Variants in MATR3 observed in about 807,000 individuals in gnomAD.
MATR3 encodes matrin 3.
Under a neutral mutation model 85.5 loss-of-function variants are expected in MATR3, and 4 were observed. That is an observed-to-expected ratio of 0.05 (90% CI 0.02 to 0.11). The LOEUF (loss-of-function observed/expected upper bound fraction) is 0.11. Ranked by LOEUF, MATR3 falls within the 10% of genes least tolerant of loss-of-function variation. The pLI is 1.00. For synonymous variants in MATR3, 336 were observed against 343.1 expected (o/e 0.98, Z 0.23); for missense variants, 685 against 1,016.1 (o/e 0.67, Z 4.43).
At chr5:139,305,311 C>T (rs1479595706) in intron 1 of MATR3, among the ~76,000 whole-genome samples, 2 of 152,092 alleles carry the variant, frequency 1.3e-5, no homozygotes, top group Non-Finnish European at 2.9e-5. Context: ...TAATTCAGAG[C>T]TCTGTAGTCT....
At chr5:139,279,313 C>T in intron 3 of MATR3, 1 of 364,778 alleles carries the variant, frequency 2.7e-6, no homozygotes, top group Non-Finnish European at 5.4e-6. Context: ...ACTGCAACCT[C>T]TGCCTCCTGG....
intron 2 of MATR3, among the ~76,000 whole-genome samples, chr5:139,309,297 C>A (rs1290783447): frequency 2.6e-5 from 4 of 152,072 alleles, no homozygotes; most frequent in Non-Finnish European, 5.9e-5. Context: ...AATCTGTGAC[C>A]GTCCATTTTT....
intron 2 of MATR3, chr5:139,311,422 G>T (rs1048391254): frequency 6.6e-6 from 1 of 152,062 alleles, no homozygotes; most frequent in African/African-American, 2.4e-5. Context: ...AGTCCCCACC[G>T]TAAACCAACC....
At chr5:139,329,282 A>G (rs1227170677) in intron 14 of MATR3, 63 bp from the exon 15 acceptor site, 6 of 1,150,440 alleles carry the variant, frequency 5.2e-6, no homozygotes, top group Non-Finnish European at 7.9e-6. Flanking sequence ...TGATTTTGGA[A>G]TTAATCCATT....
At chr5:139,304,411 A>G (rs1430663374) in intron 1 of MATR3, among the ~76,000 whole-genome samples, 2 of 151,876 alleles carry the variant, frequency 1.3e-5, no homozygotes, top group Admixed American at 6.6e-5. Flanking sequence ...GAGGCAGGAG[A>G]ATCACTTGAA....
upstream of MATR3, among the ~76,000 whole-genome samples, chr5:139,289,372 A>G (rs1753803445): frequency 6.6e-6 from 1 of 152,230 alleles, no homozygotes; most frequent in Non-Finnish European, 1.5e-5. Context: ...GTGAGCCACA[A>G]TCAAGCTACT....
rs925752471 is a variant in MATR3 at position 139,330,937 on chromosome 5, C to T, written c.*1542C>T. 4.4e-6 allele frequency: 2 copies of T among 454,042 alleles called. No individual in the cohort carries two copies. The highest frequency in any genetic ancestry group is 8.8e-6 in the Non-Finnish European group (2 of 226,764). 28.1% of individuals were successfully genotyped at this position (454,042 alleles called of 1,614,324 possible). A position where few individuals can be genotyped will look rare whatever the true frequency, so the allele number is the denominator to read the frequency against. ...TCCTGAGTAGCTGGGACTACAGGCT[C>T]ATGCCACTATACCTGGCTAGTTTTT... On this transcript the variant is annotated 3_prime_UTR_variant, in exon 15 of 15. Coordinates refer to ENST00000394805, the MANE Select transcript of MATR3 (RefSeq NM_018834.6).
intron 14 of MATR3, among the ~76,000 whole-genome samples, chr5:139,327,505 C>T (rs1419261901): frequency 6.6e-6 from 1 of 152,036 alleles, no homozygotes; most frequent in Admixed American, 6.6e-5. Flanking sequence ...CACCCCAACC[C>T]CCGCCTCCCA....
chr5:139,319,306 G>A lies in MATR3; in HGVS notation c.1435-28G>A, dbSNP rs1264811970. The A allele has an allele frequency of 1.9e-6, 3 of 1,601,356 alleles. No homozygotes were observed. In the African/African-American group the frequency reaches 4.0e-5, roughly 21 times the overall value. ...GTTAACTAATAATTATTGCACATTT[G>A]TCCTTTTGTTGTTGTTATTTATTAA... is the stretch of plus-strand genomic sequence containing the variant. On this transcript the variant is annotated intron_variant, in intron 8 of 14. Coordinates refer to ENST00000394805, the MANE Select transcript of MATR3 (RefSeq NM_018834.6).
In MATR3 at chr5:139,330,062, T is replaced by C. The variant is rs1271741129; in HGVS notation, c.*667T>C. ...GTATTTTCAGTGAAATGCAAAAATA[T>C]TCCCGTTATCTTTGACCAGTATTAA... On this transcript the variant is annotated 3_prime_UTR_variant, in exon 15 of 15. Transcript: ENST00000394805. The C allele has an allele frequency of 4.4e-5, 20 of 454,398 alleles. No homozygotes were observed. The highest frequency in any genetic ancestry group is 6.8e-4 in the Middle Eastern group (1 of 1,466). The allele number at this position is 454,398 out of a possible 1,614,324, so 28.1% of individuals were successfully genotyped here. A position where few individuals can be genotyped will look rare whatever the true frequency, so the allele number is the denominator to read the frequency against.
Position 139,315,949 on chromosome 5 carries a change from A to G in MATR3, c.1017-127A>G, listed in dbSNP as rs142959113. 180 of 811,964 alleles carry G rather than the reference A, an allele frequency of 2.2e-4. 1 individual carries two copies. The African/African-American group carries it at 2.8e-3, about 13-fold the overall frequency. 50.3% of individuals were successfully genotyped at this position (811,964 alleles called of 1,614,324 possible). A position where few individuals can be genotyped will look rare whatever the true frequency, so the allele number is the denominator to read the frequency against. The stretch of plus-strand genomic sequence containing the variant: ...TGTTAATGTAGACTTTGACCTAGTT[A>G]CTTCACAGATACTCTGAAAGATTGA... On this transcript the variant is annotated intron_variant, in intron 4 of 14. Transcript: ENST00000394805.
At chr5:139,296,310 T>C (rs1337527496) in intron 1 of MATR3, among the ~76,000 whole-genome samples, 4 of 152,192 alleles carry the variant, frequency 2.6e-5, no homozygotes, top group Non-Finnish European at 5.9e-5. Flanking sequence ...ATGGTAACGG[T>C]ATACAGTTTT....
intron 1 of MATR3, chr5:139,294,688 A>C (rs1324909229): frequency 6.6e-6 from 1 of 152,208 alleles, no homozygotes; most frequent in Non-Finnish European, 1.5e-5. Flanking sequence ...GTATTAGTCC[A>C]GGTTCCTCCA....
chr5:139,277,281 G>A (rs1365277363), intron 2 of MATR3, among the ~76,000 whole-genome samples: 1 of 152,032 alleles, frequency 6.6e-6, no homozygotes, highest in Non-Finnish European at 1.5e-5. Context: ...GGGGTTACAG[G>A]CATGAGCCAC....
At chr5:139,315,503 T>G (rs928612283) in intron 3 of MATR3, 194 bp from the exon 4 acceptor site, 1 of 540,194 alleles carries the variant, frequency 1.9e-6, no homozygotes, top group Admixed American at 3.5e-5. Flanking sequence ...AACAAGTTTA[T>G]TCTCGTGGAT....
rs1017481093 is a variant in MATR3 at position 139,279,233 on chromosome 5, CTT to C, written c.-178+111_-178+112del. On this transcript the variant is annotated intron_variant, in intron 3 of 16. Transcript: ENST00000509990. Reference sequence around the variant, plus strand: ...GTGAAAAATTATGTAGAGTATCAGACTTTTTTTTGGGGGGGGACGGAGTCTTG... The same window carrying C: ...GTGAAAAATTATGTAGAGTATCAGACTTTTTTGGGGGGGGACGGAGTCTTG... 15 of 444,816 alleles carry C rather than the reference CTT, an allele frequency of 3.4e-5. 1 individual carries two copies. The highest frequency in any genetic ancestry group is 2.2e-4 in the South Asian group (14 of 63,634). The allele number at this position is 444,816 out of a possible 1,614,324, so 27.6% of individuals were successfully genotyped here.
intron 9 of MATR3, among the ~76,000 whole-genome samples, chr5:139,319,937 G>T (rs1457598726): frequency 1.3e-3 from 102 of 81,322 alleles, no homozygotes; most frequent in Middle Eastern, 0.019. Flanking sequence ...CTAGTTGTTT[G>T]CTTTTCTTTT....
intron 4 of MATR3, 160 bp from the exon 5 acceptor site, chr5:139,315,916 T>C: frequency 1.3e-6 from 1 of 753,522 alleles, no homozygotes; most frequent in Admixed American, 2.3e-5. Context: ...TAATTTGTAT[T>C]CTTTTATTGT....
chr5:139,279,305 T>G (rs1753425189), intron 3 of MATR3: 2 of 370,610 alleles, frequency 5.4e-6, no homozygotes, highest in Non-Finnish European at 1.1e-5. Flanking sequence ...CTCGGCTCAC[T>G]GCAACCTCTG....
Sources: gnomAD v4.1 joint callset for allele counts (sites outside exome capture counted in the v4.1 genomes callset) on GRCh38, gnomAD v4.1.1 for gene constraint, MANE v1.5 for transcripts, NCBI Gene and HGNC (gene_info 2026-07-23, HGNC 2026-07-21) for gene names.